The following SYK variants were observed in gnomAD, a reference collection of about 807,000 sequenced individuals.
SYK encodes the protein tyrosine-protein kinase SYK.
SYK carries 16 observed loss-of-function variants against 77.8 expected under a neutral mutation model. The observed-to-expected ratio is 0.21, with a 90% CI of 0.14 to 0.31. SYK has a LOEUF of 0.31. Ranked by LOEUF, SYK falls within the 10% of genes least tolerant of loss-of-function variation. SYK has a pLI of 1.00. For missense variants in SYK, 529 were observed against 814.4 expected (o/e 0.65, Z 4.26); for synonymous variants, 312 against 308.7 (o/e 1.01, Z -0.11).
At chr9:90,878,636 C>T in intron 10 of SYK, 128 bp from the exon 11 acceptor site, 1 of 707,156 alleles carries the variant, frequency 1.4e-6, no homozygotes, top group South Asian at 2.0e-5. Flanking sequence ...TTTGTCACCA[C>T]TCGTGAGTTT....
At chr9:90,806,368 G>C (rs912026728) in intron 1 of SYK, among the ~76,000 whole-genome samples, 1 of 151,644 alleles carries the variant, frequency 6.6e-6, no homozygotes, top group African/African-American at 2.4e-5. Flanking sequence ...AATGTTTGGA[G>C]GATATTTGGT....
At position 90,895,745 on chromosome 9, in the gene SYK, A is replaced by C; in HGVS notation, c.*145A>C. On this transcript the variant is annotated 3_prime_UTR_variant, in exon 14 of 14. Coordinates refer to ENST00000375754, the MANE Select transcript of SYK (RefSeq NM_003177.7). This position sits in a 1 kb window ranked among gnomAD's most constrained non-coding sequence, Gnocchi z 4.4. The stretch of plus-strand genomic sequence containing the variant: ...GAACATGCCCACAACTTGTCACCCA[A>C]AGCCTGTCCCAGGACTCACCCTCCA... 1 of 722,398 alleles carries C rather than the reference A, an allele frequency of 1.4e-6. No homozygotes were observed. The allele number at this position is 722,398 out of a possible 1,614,324, so 44.7% of individuals were successfully genotyped here.
At chr9:90,886,387 C>T (rs970788835) in intron 11 of SYK, among the ~76,000 whole-genome samples, 12 of 152,280 alleles carry the variant, frequency 7.9e-5, no homozygotes, top group East Asian at 1.9e-4. Flanking sequence ...ATAGTCACTA[C>T]GGAAAATATT....
upstream of SYK, among the ~76,000 whole-genome samples, chr9:90,801,617 C>T (rs1474163088): frequency 2.6e-5 from 4 of 152,338 alleles, no homozygotes; most frequent in East Asian, 5.8e-4. Flanking sequence ...CTCCTCTACA[C>T]CTGCCGCCGC....
At chr9:90,839,426 T>G (rs900496746) in intron 1 of SYK, among the ~76,000 whole-genome samples, 1 of 152,040 alleles carries the variant, frequency 6.6e-6, no homozygotes, top group Admixed American at 6.5e-5. Flanking sequence ...ATATCTGCAA[T>G]GCACCATCAA....
chr9:90,835,387 C>T (rs1025325), intron 1 of SYK, among the ~76,000 whole-genome samples: 103,253 of 152,044 alleles, frequency 0.68, 35,478 homozygotes, highest in African/African-American at 0.74. Context: ...GGCAGCGTCA[C>T]TGGGGCCGGT....
At chr9:90,820,757 G>T (rs774599072) in intron 1 of SYK, among the ~76,000 whole-genome samples, 2 of 152,166 alleles carry the variant, frequency 1.3e-5, no homozygotes, top group African/African-American at 2.4e-5. Context: ...TAGGCTCATT[G>T]CTACTTATGC....
In SYK at chr9:90,845,529, A is replaced by T; in HGVS notation, c.513A>T (p.Gly171=). The change falls in exon 3 of 14, where the codon GGA becomes GGT. Residue 171 remains glycine (G), a synonymous_variant. Coordinates refer to ENST00000375754, the MANE Select transcript of SYK (RefSeq NM_003177.7). ...TAHEKMPWFH[G]KISREESEQI... ...ATGAAAAAATGCCTTGGTTCCATGG[A>T]AAAATCTCTCGGGAAGAATCTGAGC... 4 of 1,614,198 alleles carry T rather than the reference A, an allele frequency of 2.5e-6. No homozygotes were observed. The highest frequency in any genetic ancestry group is 3.4e-6 in the Non-Finnish European group (4 of 1,180,016).
At position 90,884,280 on chromosome 9, in the gene SYK, CACAT is replaced by C. The variant is rs1256604450; in HGVS notation, c.1582-3467_1582-3464del. On this transcript the variant is annotated intron_variant, in intron 11 of 13. Coordinates refer to ENST00000375754, the MANE Select transcript of SYK (RefSeq NM_003177.7). ...ACATACACATACGTGTATATATACA[CACAT>C]ATACACATACGTGTATATATACACA... Among the ~76,000 whole-genome samples, 15 of 57,534 alleles carry C rather than the reference CACAT, an allele frequency of 2.6e-4. 1 individual carries two copies. Among genetic ancestry groups the C allele is most frequent in the East Asian group, 5.6e-4 (1 of 1,788 alleles). 37.7% of individuals were successfully genotyped at this position (57,534 alleles called of 152,430 possible). A position where few individuals can be genotyped will look rare whatever the true frequency, so the allele number is the denominator to read the frequency against.
At chr9:90,865,998 A>T (rs1410735111) in intron 6 of SYK, among the ~76,000 whole-genome samples, 1 of 135,614 alleles carries the variant, frequency 7.4e-6, no homozygotes, top group Non-Finnish European at 1.5e-5. Context: ...TCCCGGGTTC[A>T]CGCCATTCTC....
intron 1 of SYK, among the ~76,000 whole-genome samples, chr9:90,812,741 A>ATGTGTGTGTGTGTATGTGTG (rs1554704336): frequency 2.9e-4 from 32 of 109,946 alleles, no homozygotes; most frequent in East Asian, 1.1e-3. Context: ...CCCATTTGAT[A>ATGTGTGTGTGTGTATGTGTG]TGTGTGTGTG....
rs1223660561 is a variant in SYK, at chr9:90,896,493, T to A, written c.*893T>A. 4.3e-6 allele frequency: 1 copy of A among 232,916 alleles called. No individual in the cohort carries two copies. The highest frequency in any genetic ancestry group is 8.5e-6 in the Non-Finnish European group (1 of 117,918). The allele number at this position is 232,916 out of a possible 1,614,324, so 14.4% of individuals were successfully genotyped here. ...ACCTTCCTCTCCTCCACAGAGAGGG[T>A]GCCGCCAGAATCCCCTGTCGCTTTC... On this transcript the variant is annotated 3_prime_UTR_variant, in exon 14 of 14. Transcript: ENST00000375754.
At chr9:90,883,168 A>T (rs1828222008) in intron 11 of SYK, among the ~76,000 whole-genome samples, 1 of 151,944 alleles carries the variant, frequency 6.6e-6, no homozygotes, top group South Asian at 2.1e-4. Flanking sequence ...GAGAATGGAC[A>T]CCTTCACACA....
chr9:90,863,506 GA>G (rs1182118682), intron 4 of SYK, among the ~76,000 whole-genome samples: 66 of 147,676 alleles, frequency 4.5e-4, no homozygotes, highest in African/African-American at 1.2e-3. Flanking sequence ...GCTGTAATTG[GA>G]AAAAAAAAAT....
chr9:90,817,844 G>C (rs1397369689), intron 1 of SYK, among the ~76,000 whole-genome samples: 1 of 74,104 alleles, frequency 1.3e-5, no homozygotes, highest in Non-Finnish European at 2.6e-5. Flanking sequence ...TCTCAATAAT[G>C]TTGTGTGTGT....
At chr9:90,888,475 TTA>T (rs2118976317) in intron 12 of SYK, 38 bp from the exon 13 acceptor site, 3 of 1,472,764 alleles carry the variant, frequency 2.0e-6, no homozygotes, top group Admixed American at 4.7e-5. Flanking sequence ...ACTAACACCT[TTA>T]AAAAAAAAAA....
chr9:90,825,505 G>T (rs1408757043), intron 1 of SYK, among the ~76,000 whole-genome samples: 1 of 152,166 alleles, frequency 6.6e-6, no homozygotes, highest in East Asian at 1.9e-4. Flanking sequence ...GCCCTTATGG[G>T]ACAAACAGAC....
At chr9:90,839,561 G>A (rs1477330436) in intron 1 of SYK, among the ~76,000 whole-genome samples, 1 of 152,104 alleles carries the variant, frequency 6.6e-6, no homozygotes, top group Non-Finnish European at 1.5e-5. Context: ...TCATGCCCAA[G>A]TGCCAGCACC....
chr9:90,896,759 A>G lies in SYK; in HGVS notation c.*1159A>G, dbSNP rs1359467508. 3 of 226,214 alleles carry G rather than the reference A, an allele frequency of 1.3e-5. No individual in the cohort carries two copies. Among genetic ancestry groups the G allele is most frequent in the African/African-American group, 6.7e-5 (3 of 45,024 alleles). 14.0% of individuals were successfully genotyped at this position (226,214 alleles called of 1,614,324 possible). A position where few individuals can be genotyped will look rare whatever the true frequency, so the allele number is the denominator to read the frequency against. On this transcript the variant is annotated 3_prime_UTR_variant, in exon 14 of 14. Transcript: ENST00000375754. ...ATTTCAGTTTTGCTGTACCTCTTGA[A>G]AGTTAAAGAGACATCTCAGCACTTT...
Sources: gnomAD v4.1 joint callset for allele counts (sites outside exome capture counted in the v4.1 genomes callset) on GRCh38, gnomAD v4.1.1 for gene constraint, Gnocchi (gnomAD v3.1) non-coding constraint, MANE v1.5 for transcripts, NCBI Gene and HGNC (gene_info 2026-07-23, HGNC 2026-07-21) for gene names.